JAZF1: variants seen among roughly 807,000 people sequenced by gnomAD.
The protein encoded by JAZF1 is JAZF zinc finger 1.
In JAZF1, 8 loss-of-function variants were observed where a neutral mutation model predicts 26.4. That is an observed-to-expected ratio of 0.30 (90% CI 0.18 to 0.55). The LOEUF is 0.55. Among genes scored for constraint, JAZF1 ranks in the 20% least tolerant of loss-of-function variants. JAZF1 has a pLI of 0.94. For missense variants in JAZF1, 199 were observed against 322.0 expected, an observed-to-expected ratio of 0.62 and a Z score of 2.92; for synonymous variants, 126 against 122.3, an observed-to-expected ratio of 1.03 and a Z score of -0.20.
At chr7:28,140,663 C>T (rs1782948171) in intron 1 of JAZF1, among the ~76,000 whole-genome samples, 1 of 152,102 alleles carries the variant, frequency 6.6e-6, no homozygotes, top group African/African-American at 2.4e-5. Context: ...ATTTTCACAT[C>T]ATAGCACATA....
At chr7:27,989,720 A>G (rs1169315405) in intron 2 of JAZF1, among the ~76,000 whole-genome samples, 1 of 152,254 alleles carries the variant, frequency 6.6e-6, no homozygotes, top group Admixed American at 6.5e-5. Flanking sequence ...AATGCAAATC[A>G]AAACCACAAT....
chr7:27,957,487 C>T (rs73683907), intron 2 of JAZF1, among the ~76,000 whole-genome samples: 3,804 of 152,250 alleles, frequency 0.025, 161 homozygotes, highest in African/African-American at 0.087. Flanking sequence ...ATTTCAAGAA[C>T]ACCAGATACA....
chr7:27,964,640 G>GT (rs11450000), intron 2 of JAZF1, among the ~76,000 whole-genome samples: 25,264 of 145,904 alleles, frequency 0.17, 2,663 homozygotes, highest in East Asian at 0.48. Flanking sequence ...ATCAGAAAAA[G>GT]TTTTTTTTTT....
At chr7:27,983,838 G>T (rs1431816550) in intron 2 of JAZF1, among the ~76,000 whole-genome samples, 1 of 152,116 alleles carries the variant, frequency 6.6e-6, no homozygotes, top group East Asian at 1.9e-4. Context: ...GAATTTCATA[G>T]CCAGCCAAAG....
rs142923489 is a variant in JAZF1, at chr7:28,169,521, T to C, written c.115+10942A>G. On this transcript the variant is annotated intron_variant, in intron 1 of 4. Transcript: ENST00000283928. ...TGCTATCAGTCCTGAAGATGAGTCA[T>C]ACTCCACAGTCTACCAGCCGGTGAG... Among the ~76,000 whole-genome samples the C allele has an allele frequency of 1.8e-4, 27 of 152,350 alleles. No individual in the cohort carries two copies. The East Asian group carries it at 5.2e-3, about 29-fold the overall frequency.
chr7:27,890,259 AAC>A (rs1357123397), intron 3 of JAZF1, among the ~76,000 whole-genome samples: 1 of 152,212 alleles, frequency 6.6e-6, no homozygotes, highest in South Asian at 2.1e-4. Context: ...ATTTCAAGGT[AAC>A]AGTTTAGCAA....
At chr7:27,996,060 T>A (rs1210442286) in intron 1 of JAZF1, among the ~76,000 whole-genome samples, 2 of 152,196 alleles carry the variant, frequency 1.3e-5, no homozygotes, top group African/African-American at 4.8e-5. Flanking sequence ...CCATCAAGCA[T>A]CAGGATTGCC....
At chr7:27,848,813 C>T (rs1234130619) in intron 3 of JAZF1, among the ~76,000 whole-genome samples, 1 of 152,194 alleles carries the variant, frequency 6.6e-6, no homozygotes, top group Non-Finnish European at 1.5e-5. Context: ...TGTCTTTATA[C>T]CCAAACCTAC....
chr7:27,947,819 C>T (rs1784942066), intron 2 of JAZF1, among the ~76,000 whole-genome samples: 1 of 152,196 alleles, frequency 6.6e-6, no homozygotes, highest in East Asian at 1.9e-4. Flanking sequence ...CACCTGGCTG[C>T]TCACAGCACC....
At position 27,840,277 on chromosome 7, in the gene JAZF1, G is replaced by A. The variant is rs1782897280; in HGVS notation, c.555+421C>T. Among the ~76,000 whole-genome samples, 1 of 152,218 alleles carries A rather than the reference G, an allele frequency of 6.6e-6. No homozygotes were observed. The highest frequency in any genetic ancestry group is 2.4e-5 in the African/African-American group (1 of 41,464). On this transcript the variant is annotated intron_variant, in intron 4 of 4. Transcript: ENST00000283928. The surrounding 1 kb of genome is among the most constrained non-coding windows in gnomAD (Gnocchi z 5.1). ...ACCAAATGGCTCTGGGAGCCATCTG[G>A]GGCTTTTACAACTTCAAAGTGGTCT...
intron 1 of JAZF1, among the ~76,000 whole-genome samples, chr7:28,077,251 T>C (rs1039340005): frequency 5.3e-5 from 8 of 152,170 alleles, no homozygotes; most frequent in African/African-American, 1.2e-4. Context: ...ATCAACTACA[T>C]AGAAATTTTT....
At chr7:27,874,721 C>T (rs2391491) in intron 3 of JAZF1, among the ~76,000 whole-genome samples, 1 of 432 alleles carries the variant, frequency 2.3e-3, no homozygotes, top group East Asian at 3.5e-3. Flanking sequence ...TAATCGAGAT[C>T]CTTATCTGGG....
chr7:27,846,252 C>A (rs1783028167), intron 3 of JAZF1, among the ~76,000 whole-genome samples: 1 of 152,088 alleles, frequency 6.6e-6, no homozygotes, highest in South Asian at 2.1e-4. Flanking sequence ...GTCCTTCAGG[C>A]TCATCCATGT....
chr7:27,981,528 G>C (rs1785584777), intron 2 of JAZF1, among the ~76,000 whole-genome samples: 1 of 152,162 alleles, frequency 6.6e-6, no homozygotes, highest in South Asian at 2.1e-4. Context: ...GAAAAGTAGA[G>C]ATGAATGACT....
chr7:27,975,229 G>T (rs569105211), intron 2 of JAZF1, among the ~76,000 whole-genome samples: 1 of 152,100 alleles, frequency 6.6e-6, no homozygotes, highest in Admixed American at 6.5e-5. Context: ...GAGCAGGTGT[G>T]TCACATGTTA....
chr7:27,893,742 A>T (rs1277558357), intron 3 of JAZF1, among the ~76,000 whole-genome samples: 1 of 152,138 alleles, frequency 6.6e-6, no homozygotes, highest in Non-Finnish European at 1.5e-5. Flanking sequence ...GGGGGAAGAG[A>T]GCTATTTCTC....
At chr7:28,126,227 A>C (rs968565942) in intron 1 of JAZF1, among the ~76,000 whole-genome samples, 11 of 152,310 alleles carry the variant, frequency 7.2e-5, no homozygotes, top group African/African-American at 2.6e-4. Flanking sequence ...ACTCTCATGC[A>C]ACAAATATTT....
At chr7:28,112,631 T>C (rs568093583) in intron 1 of JAZF1, among the ~76,000 whole-genome samples, 5 of 152,300 alleles carry the variant, frequency 3.3e-5, no homozygotes, top group African/African-American at 9.6e-5. Flanking sequence ...CCAAACTTGA[T>C]TACTGTCAGC....
chr7:27,972,241 A>G (rs1413166359), intron 2 of JAZF1, among the ~76,000 whole-genome samples: 1 of 152,248 alleles, frequency 6.6e-6, no homozygotes, highest in East Asian at 1.9e-4. Flanking sequence ...ATACTGTTTA[A>G]AGGAGGGAAG....
Sources: gnomAD v4.1 joint callset for allele counts (sites outside exome capture counted in the v4.1 genomes callset) on GRCh38, gnomAD v4.1.1 for gene constraint, Gnocchi (gnomAD v3.1) non-coding constraint, MANE v1.5 for transcripts, NCBI Gene and HGNC (gene_info 2026-07-23, HGNC 2026-07-21) for gene names.